Variants in RAVER2 observed in about 807,000 individuals in gnomAD.
RAVER2 encodes ribonucleoprotein, PTB binding 2, also known as ribonucleoprotein PTB-binding 2.
In RAVER2, 46 loss-of-function variants were observed where a neutral mutation model predicts 78.1. The observed-to-expected ratio is 0.59, with a 90% CI of 0.46 to 0.75. RAVER2 has a LOEUF of 0.75. Ranked by LOEUF, RAVER2 falls within the 30% of genes least tolerant of loss-of-function variation. The pLI is 0.00. For synonymous variants in RAVER2, 311 were observed against 313.3 expected, an observed-to-expected ratio of 0.99 and a Z score of 0.08; for missense variants, 793 against 837.5, an observed-to-expected ratio of 0.95 and a Z score of 0.66.
chr1:64,830,996 C>G, exon 12 of RAVER2: 2 of 1,610,342 alleles, frequency 1.2e-6, no homozygotes, highest in South Asian at 2.2e-5. Context: ...GTTAAGCTCT[C>G]TCCTAATAAC....
intron 9 of RAVER2, among the ~76,000 whole-genome samples, chr1:64,808,809 TTG>T (rs1386725407): frequency 6.6e-6 from 1 of 152,176 alleles, no homozygotes; most frequent in African/African-American, 2.4e-5. Context: ...GCAGTGTTCA[TTG>T]CTTGGGTTAT....
rs367937386 is a variant in RAVER2, at chr1:64,781,558, C to T, written c.965C>T (p.Ala322Val). 1.2e-5 allele frequency: 19 copies of T among 1,610,666 alleles called. 1 individual carries two copies. In the African/African-American group the frequency reaches 2.1e-4, roughly 18 times the overall value. Reference sequence around the variant, plus strand: ...CGAAGTACATTAGCAGCATTGATAGCGGCTCAACGTGTGGTAAGTTTTTTC... The same window carrying T: ...CGAAGTACATTAGCAGCATTGATAGTGGCTCAACGTGTGGTAAGTTTTTTC... Residue 322 changes from alanine to valine, a missense_variant, in exon 4 of 12, where the codon GCG (alanine) becomes GTG (valine). Transcript: ENST00000294428.
intron 11 of RAVER2, among the ~76,000 whole-genome samples, chr1:64,821,019 A>G (rs972842672): frequency 1.3e-5 from 2 of 152,166 alleles, no homozygotes; most frequent in Non-Finnish European, 2.9e-5. Flanking sequence ...TTACACTCCC[A>G]CCAACAATGT....
intron 4 of RAVER2, among the ~76,000 whole-genome samples, chr1:64,788,090 T>C (rs1370829396): frequency 6.6e-6 from 1 of 152,208 alleles, no homozygotes; most frequent in African/African-American, 2.4e-5. Flanking sequence ...AATTATTTCA[T>C]GTTTTTAGGA....
intron 11 of RAVER2, among the ~76,000 whole-genome samples, chr1:64,822,489 G>T (rs534399770): frequency 6.6e-6 from 1 of 152,306 alleles, no homozygotes; most frequent in South Asian, 2.1e-4. Context: ...AAATTATCCA[G>T]TCTGAGAAAC....
At chr1:64,822,998 A>T (rs1406588227) in intron 11 of RAVER2, among the ~76,000 whole-genome samples, 1 of 152,152 alleles carries the variant, frequency 6.6e-6, no homozygotes, top group Non-Finnish European at 1.5e-5. Context: ...AGAGAATGTA[A>T]GTAGATAGTG....
intron 4 of RAVER2, among the ~76,000 whole-genome samples, chr1:64,784,377 AAAAACAAAGC>A (rs1429409124): frequency 6.6e-6 from 1 of 152,222 alleles, no homozygotes; most frequent in Non-Finnish European, 1.5e-5. Context: ...ACCTTGTCTC[AAAAACAAAGC>A]AAAACAAAAC....
At chr1:64,763,616 T>C (rs12752552) in intron 1 of RAVER2, among the ~76,000 whole-genome samples, 19,680 of 151,552 alleles carry the variant, frequency 0.13, 1,422 homozygotes, top group African/African-American at 0.17. Flanking sequence ...GATAAACATA[T>C]ACCAGCCGGA....
chr1:64,805,866 T>C (rs1653404097), intron 8 of RAVER2, among the ~76,000 whole-genome samples: 1 of 152,218 alleles, frequency 6.6e-6, no homozygotes, highest in Non-Finnish European at 1.5e-5. Context: ...TTTTGTGATA[T>C]CATGGGGTCT....
Position 64,807,335 on chromosome 1 carries a change from C to T in RAVER2, c.1541C>T (p.Thr514Met), listed in dbSNP as rs114877918. The change falls in exon 9 of 12, where the codon ACG becomes ATG. Residue 514 changes from threonine (T) to methionine (M), a missense_variant. Transcript: ENST00000294428. ...AATACTCAGGAGAAACAGCCAGCCA[C>T]GGTGGGAATGGCAGAAGGAAATTTC... 426 of 1,614,026 alleles carry T rather than the reference C, an allele frequency of 2.6e-4. 1 individual carries two copies. In the African/African-American group the frequency reaches 4.8e-3, roughly 18 times the overall value.
At chr1:64,783,692 G>A (rs1055856128) in intron 4 of RAVER2, among the ~76,000 whole-genome samples, 1 of 152,104 alleles carries the variant, frequency 6.6e-6, no homozygotes, top group African/African-American at 2.4e-5. Flanking sequence ...TCTGTAGGTT[G>A]TCTATTCACT....
chr1:64,753,579 G>A (rs183917037), intron 1 of RAVER2, among the ~76,000 whole-genome samples: 1 of 141,856 alleles, frequency 7.0e-6, no homozygotes, highest in East Asian at 2.1e-4. Context: ...CCAGGCTGGA[G>A]TGATCTCGGC....
chr1:64,801,722 C>G (rs1653272016), intron 5 of RAVER2, among the ~76,000 whole-genome samples: 1 of 152,048 alleles, frequency 6.6e-6, no homozygotes, highest in Admixed American at 6.5e-5. Flanking sequence ...CAAAAATTAG[C>G]TGAGCATGGT....
exon 12 of RAVER2, chr1:64,831,084 C>T (rs773862217): frequency 3.7e-5 from 48 of 1,287,970 alleles, no homozygotes; most frequent in Non-Finnish European, 4.8e-5. Context: ...CCTTTAAATA[C>T]GGGTTTATAG....
chr1:64,772,725 G>A (rs1323708022), intron 2 of RAVER2, among the ~76,000 whole-genome samples: 1 of 152,134 alleles, frequency 6.6e-6, no homozygotes. Flanking sequence ...GGAATTAAAT[G>A]TGTAATATAT....
chr1:64,807,441 A>T lies in RAVER2; in HGVS notation c.1647A>T (p.Gln549His), dbSNP rs760120912. ...TGGTGGGACACCATAAGCAGCAGCA[A>T]AGCCAGCCAAAAGGCACAGAGATAA... The change falls in exon 9 of 12, where the codon CAA becomes CAT. Residue 549 changes from glutamine (Q) to histidine (H), a missense_variant. Physicochemically the swap from Gln to His is conservative, Grantham distance 24 (BLOSUM62 0). Transcript: ENST00000294428. The T allele has an allele frequency of 1.1e-5, 18 of 1,613,958 alleles. No individual in the cohort carries two copies. In the South Asian group the frequency reaches 1.8e-4, roughly 16 times the overall value.
intron 3 of RAVER2, 118 bp downstream of exon 3, chr1:64,778,210 C>T (rs1338913765): frequency 2.4e-6 from 2 of 839,818 alleles, no homozygotes; most frequent in East Asian, 5.5e-5. Flanking sequence ...TTTAATTCTG[C>T]ATCATTCTGT....
chr1:64,773,706 T>A (rs959213091), intron 2 of RAVER2, among the ~76,000 whole-genome samples: 4 of 152,234 alleles, frequency 2.6e-5, no homozygotes, highest in African/African-American at 9.6e-5. Context: ...AGTAATGGGA[T>A]AGCTAGGTTA....
At chr1:64,812,877 T>C (rs374606179) in intron 10 of RAVER2, 28 bp downstream of exon 10, 2 of 1,490,014 alleles carry the variant, frequency 1.3e-6, no homozygotes, top group Non-Finnish European at 9.1e-7. Context: ...ATTCTTGTTG[T>C]GGAGTTTTAC....
Sources: gnomAD v4.1 joint callset for allele counts (sites outside exome capture counted in the v4.1 genomes callset) on GRCh38, gnomAD v4.1.1 for gene constraint, MANE v1.5 for transcripts, NCBI Gene and HGNC (gene_info 2026-07-23, HGNC 2026-07-21) for gene names.